The following NTPCR variants were observed in gnomAD, a reference collection of about 807,000 sequenced individuals.
The protein encoded by NTPCR is cancer-related nucleoside-triphosphatase.
Under a neutral mutation model 19.5 loss-of-function variants are expected in NTPCR, and 15 were observed. That is an observed-to-expected ratio of 0.77 (90% CI 0.51 to 1.18). NTPCR has a LOEUF of 1.18. Ranked by LOEUF, NTPCR falls within the 50% of genes most tolerant of loss-of-function variation. The pLI, the probability that NTPCR is intolerant of heterozygous loss-of-function variation, is 0.00. For synonymous variants in NTPCR, 90 were observed against 95.8 expected, an observed-to-expected ratio of 0.94 and a Z score of 0.36; for missense variants, 206 against 240.4, an observed-to-expected ratio of 0.86 and a Z score of 0.95.
chr1:232,976,944 C>G lies in NTPCR; in HGVS notation c.505-1219C>G, dbSNP rs180945888. ...TTGGCTGGGGGCAAGTTTCCTAGAC[C>G]GTACAGTCTCCTAAAGACAACCAGA... On this transcript the variant is annotated intron_variant, in intron 4 of 4. Transcript: ENST00000366628. 7.4e-3 allele frequency: 1,233 copies of G among 165,536 alleles called. 43 individuals carry two copies. The highest frequency in any genetic ancestry group is 0.059 in the Admixed American group (1,019 of 17,134). 10.3% of individuals were successfully genotyped at this position (165,536 alleles called of 1,614,324 possible).
At chr1:232,976,512 G>C (rs1190516236) in intron 4 of NTPCR, 1 of 1,534,250 alleles carries the variant, frequency 6.5e-7, no homozygotes, top group East Asian at 2.4e-5. Flanking sequence ...TCTACCTCAG[G>C]TGGATTCCTT....
At chr1:232,976,706 G>A (rs1669133836) in intron 4 of NTPCR, 10 of 880,372 alleles carry the variant, frequency 1.1e-5, no homozygotes, top group South Asian at 6.5e-5. Flanking sequence ...CAGGATTGAC[G>A]CAGCCAGGAC....
At chr1:232,973,901 C>A (rs935477252) in intron 4 of NTPCR, among the ~76,000 whole-genome samples, 5 of 152,090 alleles carry the variant, frequency 3.3e-5, no homozygotes, top group African/African-American at 1.2e-4. Context: ...AAGTAATGAA[C>A]AAAATGAACA....
chr1:232,952,395 A>G (rs182933732), intron 1 of NTPCR, among the ~76,000 whole-genome samples: 2 of 148,894 alleles, frequency 1.3e-5, no homozygotes, highest in Non-Finnish European at 1.5e-5. Context: ...TTTTGTAGAG[A>G]CCTGTCTCTT....
chr1:232,956,945 G>T (rs572927195), intron 3 of NTPCR, among the ~76,000 whole-genome samples: 2 of 152,160 alleles, frequency 1.3e-5, no homozygotes, highest in East Asian at 1.9e-4. Flanking sequence ...TCATTTGCTT[G>T]CCTAATTACC....
intron 3 of NTPCR, chr1:232,962,936 T>TC (rs1668707743): frequency 6.6e-6 from 1 of 152,170 alleles, no homozygotes; most frequent in Non-Finnish European, 1.5e-5. Flanking sequence ...CTGGAAGTGT[T>TC]CCTTAGGTCA....
chr1:232,978,254 C>T lies in NTPCR; in HGVS notation c.*23C>T, dbSNP rs762622428. ...TGAAGACACGTGCATTCCTGCCTTC[C>T]GTGAAGGAGTGCCCAGTTCAAGAGG... On this transcript the variant is annotated 3_prime_UTR_variant, in exon 5 of 5. Coordinates refer to ENST00000366628, the MANE Select transcript of NTPCR (RefSeq NM_032324.3). 87 of 1,606,362 alleles carry T rather than the reference C, an allele frequency of 5.4e-5. No individual in the cohort carries two copies. Among genetic ancestry groups the T allele is most frequent in the Middle Eastern group, 1.6e-4 (1 of 6,064 alleles).
intron 3 of NTPCR, chr1:232,966,108 G>A (rs1196136521): frequency 2.0e-5 from 3 of 152,304 alleles, no homozygotes; most frequent in Non-Finnish European, 4.4e-5. Flanking sequence ...CATAAAATAT[G>A]ACCGGAGCCC....
In NTPCR at chr1:232,955,724, T is replaced by G; in HGVS notation, c.197+5T>G. The G allele has an allele frequency of 6.2e-7, 1 of 1,613,012 alleles. No homozygotes were observed. The highest frequency in any genetic ancestry group is 8.5e-7 in the Non-Finnish European group (1 of 1,179,204). Reference sequence around the variant, plus strand: ...GGGGCCTTTATCGAGAGTTGGGTACTGATATTTCATTTCTGTGGTGTTCTA... The same window carrying G: ...GGGGCCTTTATCGAGAGTTGGGTACGGATATTTCATTTCTGTGGTGTTCTA... On this transcript the variant is annotated splice_donor_5th_base_variant and intron_variant, in intron 2 of 4. Transcript: ENST00000366628.
chr1:232,974,362 T>A (rs935548109), intron 4 of NTPCR, among the ~76,000 whole-genome samples: 1 of 152,106 alleles, frequency 6.6e-6, no homozygotes, highest in Non-Finnish European at 1.5e-5. Flanking sequence ...AGTTCTCTTA[T>A]CAGAAAGGAA....
At position 232,950,633 on chromosome 1, in the gene NTPCR, C is replaced by A; in HGVS notation, c.-78C>A. On this transcript the variant is annotated 5_prime_UTR_variant, in exon 1 of 5. It adds an upstream start codon to the 5' untranslated region. Coordinates refer to ENST00000366628, the MANE Select transcript of NTPCR (RefSeq NM_032324.3). The stretch of plus-strand genomic sequence containing the variant: ...GGTGGGCGGGTCCTGAGTCGCGACC[C>A]TGGTCCGGACCTGACCTGAATTGCG... 2 of 1,233,112 alleles carry A rather than the reference C, an allele frequency of 1.6e-6. No homozygotes were observed. The highest frequency in any genetic ancestry group is 2.4e-6 in the Non-Finnish European group (2 of 842,132). The allele number at this position is 1,233,112 out of a possible 1,614,324, so 76.4% of individuals were successfully genotyped here.
rs995404747 is a variant in NTPCR, at chr1:232,978,950, A to G, written c.*719A>G. The G allele has an allele frequency of 6.6e-6, 1 of 152,140 alleles. No individual in the cohort carries two copies. The highest frequency in any genetic ancestry group is 1.5e-5 in the Non-Finnish European group (1 of 68,036). 9.4% of individuals were successfully genotyped at this position (152,140 alleles called of 1,614,324 possible). A position where few individuals can be genotyped will look rare whatever the true frequency, so the allele number is the denominator to read the frequency against. ...CTCGGGAGCAATTTTGAATCTTTCT[A>G]TGCCTAGTTTCCCTTCCAGAAAAGC... On this transcript the variant is annotated 3_prime_UTR_variant, in exon 5 of 5. Transcript: ENST00000366628.
At position 232,983,578 on chromosome 1, in the gene NTPCR, A is replaced by AGG. The variant is rs1669340916; in HGVS notation, c.*5348_*5349dup. ...CCCACCAATCGCCTGGACTACAGTG[A>AGG]GGAGCATTGTGTGACTCCGCGGTGG... On this transcript the variant is annotated 3_prime_UTR_variant, in exon 5 of 5. Transcript: ENST00000366628. 1 of 152,200 alleles carries AGG rather than the reference A, an allele frequency of 6.6e-6. No individual in the cohort carries two copies. The highest frequency in any genetic ancestry group is 2.1e-4 in the South Asian group (1 of 4,830). 9.4% of individuals were successfully genotyped at this position (152,200 alleles called of 1,614,324 possible).
chr1:232,951,080 TGCG>T, intron 1 of NTPCR: 1 of 285,364 alleles, frequency 3.5e-6, no homozygotes, highest in Non-Finnish European at 6.5e-6. Flanking sequence ...TCAAGAGATC[TGCG>T]GCAACCGCGA....
chr1:232,954,405 A>C (rs1386991144), intron 1 of NTPCR, among the ~76,000 whole-genome samples: 5 of 152,248 alleles, frequency 3.3e-5, no homozygotes, highest in African/African-American at 1.2e-4. Context: ...TCTTAGAAAT[A>C]GCATGATTTG....
At chr1:232,957,144 A>G (rs999485497) in intron 3 of NTPCR, among the ~76,000 whole-genome samples, 2 of 152,220 alleles carry the variant, frequency 1.3e-5, no homozygotes, top group Admixed American at 6.5e-5. Context: ...CACAAAAGAT[A>G]TGGTCTGTAG....
chr1:232,971,123 G>A (rs939039063), intron 4 of NTPCR, among the ~76,000 whole-genome samples: 2 of 152,206 alleles, frequency 1.3e-5, no homozygotes, highest in African/African-American at 4.8e-5. Context: ...TTCTTTCCCT[G>A]TTGTCCCTCT....
At chr1:232,957,098 CA>C (rs1233796877) in intron 3 of NTPCR, among the ~76,000 whole-genome samples, 3 of 152,148 alleles carry the variant, frequency 2.0e-5, no homozygotes, top group Non-Finnish European at 2.9e-5. Flanking sequence ...AGAGTTTACT[CA>C]GGCGTATTTT....
chr1:232,954,473 C>T (rs1273908892), intron 1 of NTPCR, among the ~76,000 whole-genome samples: 2 of 152,198 alleles, frequency 1.3e-5, no homozygotes, highest in African/African-American at 4.8e-5. Context: ...TTTTCTCTCT[C>T]TTTCCATTGT....
Sources: allele counts gnomAD v4.1 joint callset (sites outside exome capture counted in the v4.1 genomes callset), GRCh38; gene constraint gnomAD v4.1.1; transcripts MANE v1.5; gene names NCBI Gene and HGNC (gene_info 2026-07-23, HGNC 2026-07-21).